Variants in BAIAP2 observed in about 807,000 individuals in gnomAD.
BAIAP2 encodes BAR/IMD domain-containing adapter protein 2.
BAIAP2 carries 18 observed loss-of-function variants against 63.0 expected under a neutral mutation model. That is an observed-to-expected ratio of 0.29 (90% CI 0.20 to 0.42). The LOEUF (loss-of-function observed/expected upper bound fraction) is 0.42. BAIAP2 is among the 10% of genes least tolerant of loss of function. BAIAP2 has a pLI of 1.00. For synonymous variants in BAIAP2, 386 were observed against 307.6 expected, an observed-to-expected ratio of 1.25 and a Z score of -2.67; for missense variants, 610 against 734.3, an observed-to-expected ratio of 0.83 and a Z score of 1.96.
intron 4 of BAIAP2, chr17:81,085,436 T>C (rs1008814066): frequency 1.9e-5 from 13 of 681,988 alleles, no homozygotes; most frequent in Non-Finnish European, 3.0e-5. Flanking sequence ...GAGGCGAGAT[T>C]GTCCGACGTT....
chr17:81,104,467 C>T (rs1191496993), intron 9 of BAIAP2, 47 bp from the exon 10 acceptor site: 1 of 1,536,038 alleles, frequency 6.5e-7, no homozygotes, highest in Non-Finnish European at 8.8e-7. Flanking sequence ...GGCTTTGCTG[C>T]CCCGCCAGCC....
chr17:81,050,047 G>A (rs4073257), intron 1 of BAIAP2, among the ~76,000 whole-genome samples: 2,327 of 152,340 alleles, frequency 0.015, 59 homozygotes, highest in African/African-American at 0.054. Context: ...GGGGCCACTG[G>A]GCTCCTCCCG....
At position 81,106,068 on chromosome 17, in the gene BAIAP2, T is replaced by C. The variant is rs2059149763; in HGVS notation, c.1269-10T>C. 3 of 1,570,134 alleles carry C rather than the reference T, an allele frequency of 1.9e-6. No homozygotes were observed. Among genetic ancestry groups the C allele is most frequent in the African/African-American group, 1.3e-5 (1 of 74,248 alleles). On this transcript the variant is annotated splice_polypyrimidine_tract_variant and intron_variant, in intron 10 of 13. Transcript: ENST00000428708. ...CTGAGCGTGGCTCTTACCTGGGGCCTCTCTTCCAGGCGGGGCTGGTTTCCC... is the reference window on the plus strand; with the variant it reads ...CTGAGCGTGGCTCTTACCTGGGGCCCCTCTTCCAGGCGGGGCTGGTTTCCC...
intron 6 of BAIAP2, among the ~76,000 whole-genome samples, chr17:81,093,862 G>A (rs1436073172): frequency 1.3e-5 from 2 of 152,180 alleles, no homozygotes; most frequent in Non-Finnish European, 2.9e-5. Context: ...GTCTGGCGAC[G>A]TGCGGGGGGT....
intron 1 of BAIAP2, among the ~76,000 whole-genome samples, chr17:81,049,466 T>G (rs2048330631): frequency 1.3e-5 from 2 of 152,126 alleles, no homozygotes. Flanking sequence ...TTTTTCTGGG[T>G]TTTTTGCACC....
chr17:81,036,026 T>G (rs904063683), intron 1 of BAIAP2: 3 of 152,078 alleles, frequency 2.0e-5, no homozygotes, highest in African/African-American at 7.2e-5. Flanking sequence ...GTGTTAAGAG[T>G]GGCATCCACG....
chr17:81,104,216 A>C (rs138230074), intron 9 of BAIAP2, 108 bp downstream of exon 9: 1 of 1,237,900 alleles, frequency 8.1e-7, no homozygotes, highest in East Asian at 2.5e-5. Context: ...TGAGGCTCAC[A>C]ATTATGTGAC....
chr17:81,091,335 AG>A (rs1160390180), intron 6 of BAIAP2, among the ~76,000 whole-genome samples: 2 of 152,174 alleles, frequency 1.3e-5, no homozygotes, highest in East Asian at 3.9e-4. Flanking sequence ...TCTTGGGGGA[AG>A]CAGAGACCTC....
chr17:81,074,662 G>C (rs114171238), intron 3 of BAIAP2, among the ~76,000 whole-genome samples: 4 of 145,214 alleles, frequency 2.8e-5, no homozygotes, highest in African/African-American at 7.7e-5. Flanking sequence ...CTGTGTCTGC[G>C]TGCACGGATG....
rs555493601 is a variant in BAIAP2, at chr17:81,050,746, GAC to G, written c.55-2916_55-2915del. On this transcript the variant is annotated intron_variant, in intron 1 of 13. Transcript: ENST00000428708. ...ACACAAATGTGCACATGCACACGTG[GAC>G]ACACATGCACACATGCATGTGTGTA... Among the ~76,000 whole-genome samples the G allele has an allele frequency of 1.4e-3, 205 of 147,650 alleles. 1 individual carries two copies. The highest frequency in any genetic ancestry group is 4.8e-3 in the African/African-American group (194 of 40,194).
At chr17:81,115,441 G>A (rs1301745206) in intron 13 of BAIAP2, among the ~76,000 whole-genome samples, 2 of 152,176 alleles carry the variant, frequency 1.3e-5, no homozygotes, top group Non-Finnish European at 2.9e-5. Context: ...GGTGATGTCC[G>A]CCCCTCACTG....
In BAIAP2 at chr17:81,117,282, C is replaced by CAACA. The variant is rs1417521617; in HGVS notation, c.*1444_*1447dup. On this transcript the variant is annotated 3_prime_UTR_variant, in exon 14 of 14. Transcript: ENST00000428708. ...TTTATCATCGGCAGACCTCAGAAGACAACACACAAAGGTTTCTTTTGTCTT... is the reference window on the plus strand; with the variant it reads ...TTTATCATCGGCAGACCTCAGAAGACAACAAACACACAAAGGTTTCTTTTGTCTT... The CAACA allele has an allele frequency of 1.3e-5, 2 of 152,234 alleles. No homozygotes were observed. Among genetic ancestry groups the CAACA allele is most frequent in the Non-Finnish European group, 2.9e-5 (2 of 68,042 alleles). 9.4% of individuals were successfully genotyped at this position (152,234 alleles called of 1,614,324 possible).
chr17:81,088,958 C>A (rs1268695115), intron 6 of BAIAP2, among the ~76,000 whole-genome samples: 1 of 152,248 alleles, frequency 6.6e-6, no homozygotes, highest in Non-Finnish European at 1.5e-5. Flanking sequence ...GTCACTGTGG[C>A]CCTGCCGCAC....
chr17:81,052,034 C>T (rs1293812492), intron 1 of BAIAP2, among the ~76,000 whole-genome samples: 1 of 152,226 alleles, frequency 6.6e-6, no homozygotes, highest in Non-Finnish European at 1.5e-5. Context: ...TCTGCTCAGA[C>T]CCTCCTTAGC....
chr17:81,035,280 T>C lies in BAIAP2; in HGVS notation c.26T>C (p.Met9Thr), dbSNP rs370763028. The change falls in exon 1 of 14, where the codon ATG (methionine) becomes ACG (threonine). Residue 9 changes from methionine (M) to threonine (T), a missense_variant. Around this residue, in one of 5 missense-constraint regions of BAIAP2, gnomAD observed 389 missense variants for 455.6 expected, o/e 0.85. Coordinates refer to ENST00000428708, the MANE Select transcript of BAIAP2 (RefSeq NM_001144888.2). ...ATGTCTCTGTCTCGCTCAGAGGAGATGCACCGGCTCACGGAAAATGTCTAT... is the reference window on the plus strand; with the variant it reads ...ATGTCTCTGTCTCGCTCAGAGGAGACGCACCGGCTCACGGAAAATGTCTAT... MSLSRSEEMHRLTENVYKT... is the reference protein window; with the variant it reads MSLSRSEETHRLTENVYKT... The C allele has an allele frequency of 1.5e-5, 23 of 1,517,614 alleles. No individual in the cohort carries two copies. The highest frequency in any genetic ancestry group is 1.9e-5 in the Admixed American group (1 of 51,562). The allele number at this position is 1,517,614 out of a possible 1,614,324, so 94.0% of individuals were successfully genotyped here. A position where few individuals can be genotyped will look rare whatever the true frequency, so the allele number is the denominator to read the frequency against.
intron 3 of BAIAP2, among the ~76,000 whole-genome samples, chr17:81,062,875 A>G (rs2050812650): frequency 6.6e-6 from 1 of 151,944 alleles, no homozygotes; most frequent in Non-Finnish European, 1.5e-5. Flanking sequence ...TGCTGTGTTC[A>G]GGGCCACCTT....
chr17:81,108,636 C>A, intron 13 of BAIAP2, 127 bp downstream of exon 13: 1 of 1,263,234 alleles, frequency 7.9e-7, no homozygotes, highest in African/African-American at 1.5e-5. Flanking sequence ...CCCTTCACCC[C>A]TGTCAGAGCC....
chr17:81,081,419 G>A (rs1346357654), intron 3 of BAIAP2, among the ~76,000 whole-genome samples: 1 of 152,178 alleles, frequency 6.6e-6, no homozygotes, highest in Non-Finnish European at 1.5e-5. Flanking sequence ...CAGGCTGGCA[G>A]CATCTTGGCC....
chr17:81,090,337 G>A (rs546757256), intron 6 of BAIAP2, among the ~76,000 whole-genome samples: 3 of 152,110 alleles, frequency 2.0e-5, no homozygotes, highest in South Asian at 2.1e-4. Flanking sequence ...GTGCCTGCGT[G>A]GGGGCTCTCC....
Sources: gnomAD v4.1 joint callset for allele counts (sites outside exome capture counted in the v4.1 genomes callset) on GRCh38, gnomAD v4.1.1 for gene constraint, gnomAD v4.1.1 regional missense constraint, MANE v1.5 for transcripts, NCBI Gene and HGNC (gene_info 2026-07-23, HGNC 2026-07-21) for gene names.